Variants in RBFOX1 observed in about 807,000 individuals in gnomAD.
The protein encoded by RBFOX1 is RNA binding fox-1 homolog 1.
In RBFOX1, 8 loss-of-function variants were observed where a neutral mutation model predicts 57.7. That is an observed-to-expected ratio of 0.14 (90% CI 0.08 to 0.25). The LOEUF is 0.25. Ranked by LOEUF, RBFOX1 falls within the 10% of genes least tolerant of loss-of-function variation. The probability of loss-of-function intolerance (pLI) is 1.00; values close to 1 mark genes in which losing one functional copy is unlikely to be tolerated. For synonymous variants in RBFOX1, 326 were observed against 222.4 expected (o/e 1.47, Z -4.15); for missense variants, 611 against 548.5 (o/e 1.11, Z -1.14).
At chr16:5,856,187 C>CTCTCTATATATA (rs1430331422) in intron 3 of RBFOX1, among the ~76,000 whole-genome samples, 1 of 31,060 alleles carries the variant, frequency 3.2e-5, no homozygotes, top group Non-Finnish European at 5.6e-5. Flanking sequence ...CTCTCTCTCT[C>CTCTCTATATATA]TATATATATA....
chr16:7,070,338 G>T (rs760066594), intron 4 of RBFOX1, among the ~76,000 whole-genome samples: 2 of 152,172 alleles, frequency 1.3e-5, no homozygotes, highest in African/African-American at 2.4e-5. Flanking sequence ...CCTGGATAGA[G>T]AACATGGAGG....
At chr16:5,838,727 T>C (rs999535723) in intron 3 of RBFOX1, 2 of 152,238 alleles carry the variant, frequency 1.3e-5, no homozygotes, top group Non-Finnish European at 2.9e-5. Flanking sequence ...AATATCTTCA[T>C]TGCTTTCAGT....
chr16:7,450,078 G>A (rs985530491), intron 4 of RBFOX1, among the ~76,000 whole-genome samples: 2 of 152,004 alleles, frequency 1.3e-5, no homozygotes, highest in Non-Finnish European at 2.9e-5. Context: ...AGAAAAGAAG[G>A]AACTCAATCT....
At chr16:5,588,490 T>A (rs1414289744) in intron 2 of RBFOX1, among the ~76,000 whole-genome samples, 1 of 152,154 alleles carries the variant, frequency 6.6e-6, no homozygotes, top group African/African-American at 2.4e-5. Context: ...GCATTCTGCT[T>A]TTTTTTCTAG....
chr16:6,701,488 G>T (rs1021239842), intron 3 of RBFOX1, among the ~76,000 whole-genome samples: 5 of 152,206 alleles, frequency 3.3e-5, no homozygotes, highest in African/African-American at 1.2e-4. Flanking sequence ...TCTTAGTTAT[G>T]TAGGTTGTAC....
chr16:5,377,564 G>GAA (rs146378875), intron 1 of RBFOX1, among the ~76,000 whole-genome samples: 1,833 of 145,452 alleles, frequency 0.013, 90 homozygotes, highest in African/African-American at 0.044. Context: ...GGAAAGGAAG[G>GAA]AAAGGAAAGA....
At chr16:6,643,375 T>C (rs2098507980) in intron 2 of RBFOX1, among the ~76,000 whole-genome samples, 1 of 151,902 alleles carries the variant, frequency 6.6e-6, no homozygotes, top group Non-Finnish European at 1.5e-5. Context: ...CTATTCTTCA[T>C]GTATTCAAGT....
intron 1 of RBFOX1, among the ~76,000 whole-genome samples, chr16:5,441,343 T>G (rs68091344): frequency 0.34 from 51,322 of 150,192 alleles, 10,683 homozygotes; most frequent in East Asian, 0.6. Context: ...TGAGACTGGT[T>G]AATTTATAAA....
chr16:6,275,402 A>C (rs1400336534), intron 1 of RBFOX1, among the ~76,000 whole-genome samples: 1 of 152,222 alleles, frequency 6.6e-6, no homozygotes, highest in Non-Finnish European at 1.5e-5. Context: ...AACTGGTGGT[A>C]TTTCTGCAGT....
chr16:6,959,957 A>C (rs2082622026), intron 3 of RBFOX1, among the ~76,000 whole-genome samples: 1 of 152,148 alleles, frequency 6.6e-6, no homozygotes, highest in South Asian at 2.1e-4. Flanking sequence ...AAATTAATAA[A>C]TGCCAAGAAA....
intron 1 of RBFOX1, among the ~76,000 whole-genome samples, chr16:5,291,103 G>C (rs962060247): frequency 1.3e-5 from 2 of 152,158 alleles, no homozygotes; most frequent in Admixed American, 6.5e-5. Flanking sequence ...GTCATGTAGG[G>C]TCTCACATTA....
intron 1 of RBFOX1, among the ~76,000 whole-genome samples, chr16:5,257,634 G>A (rs990681095): frequency 6.6e-6 from 1 of 152,180 alleles, no homozygotes; most frequent in African/African-American, 2.4e-5. Flanking sequence ...TTACTAGTGA[G>A]GAAGATCACT....
At chr16:7,225,935 G>A (rs2093084237) in intron 4 of RBFOX1, among the ~76,000 whole-genome samples, 1 of 118,824 alleles carries the variant, frequency 8.4e-6, no homozygotes, top group Non-Finnish European at 1.6e-5. Flanking sequence ...TGAATGTCAT[G>A]TTTCTGAGAT....
chr16:5,331,261 G>A (rs1054200150), intron 1 of RBFOX1, among the ~76,000 whole-genome samples: 1 of 152,200 alleles, frequency 6.6e-6, no homozygotes, highest in African/African-American at 2.4e-5. Flanking sequence ...ATCACCAGAT[G>A]GTTGTCATGT....
chr16:7,281,254 C>T (rs2095538185), intron 4 of RBFOX1, among the ~76,000 whole-genome samples: 1 of 151,768 alleles, frequency 6.6e-6, no homozygotes, highest in African/African-American at 2.4e-5. Context: ...CTGCCTGTCC[C>T]AGCCTCCCAC....
Position 6,873,040 on chromosome 16 carries a change from C to G in RBFOX1, c.-15-179017C>G, listed in dbSNP as rs115815793. 5.8e-3 allele frequency among the ~76,000 whole-genome samples: 880 copies of G among 151,830 alleles called. 14 individuals are homozygous for G. Among genetic ancestry groups the G allele is most frequent in the African/African-American group, 0.02 (832 of 41,396 alleles). Reference sequence around the variant, plus strand: ...TATACTGCAGTGTGTTCTATATTCTCAGCATTTCTGAGGCTATGCAAAGCC... The same window carrying G: ...TATACTGCAGTGTGTTCTATATTCTGAGCATTTCTGAGGCTATGCAAAGCC... On this transcript the variant is annotated intron_variant, in intron 3 of 15. Coordinates refer to ENST00000550418, the MANE Select transcript of RBFOX1 (RefSeq NM_018723.4).
intron 4 of RBFOX1, among the ~76,000 whole-genome samples, chr16:7,144,945 C>T (rs956229007): frequency 6.6e-6 from 1 of 152,082 alleles, no homozygotes; most frequent in Non-Finnish European, 1.5e-5. Context: ...AAAGTCAGCC[C>T]CTCTCCCCCT....
At chr16:7,148,791 G>A (rs544703967) in intron 4 of RBFOX1, among the ~76,000 whole-genome samples, 69 of 152,294 alleles carry the variant, frequency 4.5e-4, no homozygotes, top group African/African-American at 1.5e-3. Context: ...TCCTGAGTTC[G>A]GCAGCCCCAG....
At chr16:6,707,047 G>T (rs564344284) in intron 3 of RBFOX1, among the ~76,000 whole-genome samples, 1 of 152,138 alleles carries the variant, frequency 6.6e-6, no homozygotes, top group Non-Finnish European at 1.5e-5. Flanking sequence ...TCAGCCGAGG[G>T]ATAACCACTG....
Sources: gnomAD v4.1 joint callset for allele counts (sites outside exome capture counted in the v4.1 genomes callset) on GRCh38, gnomAD v4.1.1 for gene constraint, MANE v1.5 for transcripts, NCBI Gene and HGNC (gene_info 2026-07-23, HGNC 2026-07-21) for gene names.